The following CHD9 variants were observed in gnomAD, a reference collection of about 807,000 sequenced individuals.
The protein encoded by CHD9 is ATP-dependent chromatin remodeler CHD9.
A neutral mutation model predicts 316.1 loss-of-function variants in CHD9; 77 were observed. The ratio of observed to expected loss-of-function variants is 0.24; its 90% CI spans 0.20 to 0.29. The LOEUF (loss-of-function observed/expected upper bound fraction) is 0.29. Ranked by LOEUF, CHD9 falls within the 10% of genes least tolerant of loss-of-function variation. The pLI is 1.00. For synonymous variants in CHD9, 1,129 were observed against 1,158.3 expected (o/e 0.97, Z 0.51); for missense variants, 2,763 against 3,438.1 (o/e 0.80, Z 4.91).
intron 7 of CHD9, among the ~76,000 whole-genome samples, chr16:53,228,079 C>T (rs533995324): frequency 6.7e-5 from 10 of 150,110 alleles, no homozygotes; most frequent in South Asian, 2.1e-4. Context: ...AGCGAGACTC[C>T]GTCTCAAAAA....
chr16:53,253,208 G>A (rs113142028), intron 17 of CHD9, among the ~76,000 whole-genome samples: 5,704 of 146,512 alleles, frequency 0.039, 371 homozygotes, highest in African/African-American at 0.13. Flanking sequence ...TGCGTGTGTG[G>A]TGTGTATATA....
intron 1 of CHD9, among the ~76,000 whole-genome samples, chr16:53,099,734 C>T (rs2036680805): frequency 6.6e-6 from 1 of 152,194 alleles, no homozygotes; most frequent in Non-Finnish European, 1.5e-5. Flanking sequence ...CCCCTGGGCC[C>T]TTCCGAGAGC....
At chr16:53,254,754 TA>T in intron 18 of CHD9, 149 bp downstream of exon 18, 1 of 534,318 alleles carries the variant, frequency 1.9e-6, no homozygotes, top group Non-Finnish European at 3.2e-6. Flanking sequence ...GAGCTATGTT[TA>T]GTTAATACTT....
chr16:53,308,949 C>CT, intron 34 of CHD9, 95 bp downstream of exon 34: 1 of 970,022 alleles, frequency 1.0e-6, no homozygotes, highest in South Asian at 1.8e-5. Flanking sequence ...TTTATTTTTC[C>CT]TTTGTTGGAA....
Position 53,308,832 on chromosome 16 carries a change from C to T in CHD9, c.7200C>T (p.Phe2400=), listed in dbSNP as rs1206561388. The change falls in exon 34 of 39, where the codon TTC becomes TTT. Residue 2400 remains phenylalanine, a synonymous_variant. Coordinates refer to ENST00000447540, the MANE Select transcript of CHD9 (RefSeq NM_001308319.2). ...CATCAGAGACCAGCCTCGTCAATTT[C>T]CCAAAATCCATACCAGTATCAGGTG... ...QSASETSLVN[F]PKSIPVSGTS... is the part of the protein sequence containing the mutation. 2.9e-5 allele frequency: 46 copies of T among 1,613,372 alleles called. No individual in the cohort carries two copies. The highest frequency in any genetic ancestry group is 3.7e-5 in the Non-Finnish European group (44 of 1,179,652).
intron 3 of CHD9, among the ~76,000 whole-genome samples, chr16:53,213,004 C>T (rs938947695): frequency 1.3e-5 from 2 of 152,188 alleles, no homozygotes; most frequent in Non-Finnish European, 2.9e-5. Context: ...AGGAGCCACA[C>T]CCCTTCCTTC....
chr16:53,055,956 A>G (rs555930652), intron 1 of CHD9, among the ~76,000 whole-genome samples: 1 of 152,300 alleles, frequency 6.6e-6, no homozygotes, highest in Admixed American at 6.5e-5. Context: ...TGTCTTCCTC[A>G]TTTTGGCAAA....
chr16:53,248,526 G>GTTTTTTTTTTTTTTTTT (rs542703474), intron 16 of CHD9, among the ~76,000 whole-genome samples: 1 of 105,994 alleles, frequency 9.4e-6, no homozygotes, highest in African/African-American at 3.7e-5. Context: ...TTTTTTTTTT[G>GTTTTTTTTTTTTTTTTT]TTTTTTTTTT....
chr16:53,121,254 A>G, intron 1 of CHD9: 3 of 422,018 alleles, frequency 7.1e-6, no homozygotes, highest in Non-Finnish European at 1.4e-5. Context: ...CACTTTTTAA[A>G]TAACAGCCAC....
At chr16:53,305,491 G>C (rs2055876051) in intron 31 of CHD9, among the ~76,000 whole-genome samples, 1 of 152,210 alleles carries the variant, frequency 6.6e-6, no homozygotes, top group Non-Finnish European at 1.5e-5. Flanking sequence ...AATTGAATTA[G>C]AAATTTTACA....
At chr16:53,162,536 T>A (rs758086620) in intron 2 of CHD9, among the ~76,000 whole-genome samples, 28 of 152,124 alleles carry the variant, frequency 1.8e-4, no homozygotes, top group Non-Finnish European at 2.8e-4. Context: ...GTAAATTAAG[T>A]TTAGTGTAAA....
At chr16:53,139,805 A>G (rs2152703553) in intron 1 of CHD9, among the ~76,000 whole-genome samples, 1 of 152,292 alleles carries the variant, frequency 6.6e-6, no homozygotes, top group Middle Eastern at 3.4e-3. Context: ...AGCCTTCGAA[A>G]ATAATGCATT....
intron 29 of CHD9, among the ~76,000 whole-genome samples, chr16:53,296,434 A>ATTTTTTTTT (rs35618799): frequency 4.9e-5 from 5 of 101,764 alleles, no homozygotes; most frequent in Non-Finnish European, 7.4e-5. Context: ...TTAAAAGTAA[A>ATTTTTTTTT]TTTTTTTTTT....
intron 12 of CHD9, among the ~76,000 whole-genome samples, chr16:53,242,048 T>A (rs1315221797): frequency 6.6e-6 from 1 of 152,222 alleles, no homozygotes; most frequent in Non-Finnish European, 1.5e-5. Flanking sequence ...CTTAGGGCCT[T>A]CATACTTACT....
rs576079725 is a variant in CHD9, at chr16:53,244,158, A to T, written c.3054+1142A>T. Among the ~76,000 whole-genome samples the T allele has an allele frequency of 4.0e-5, 6 of 151,564 alleles. No individual in the cohort carries two copies. The South Asian group carries it at 1.3e-3, about 32-fold the overall frequency. On this transcript the variant is annotated intron_variant, in intron 13 of 38. Transcript: ENST00000447540. ...ATTTTCTTCTTTTACTATTCTGTTT[A>T]ATTTTTAAGGAATTGTAGTTTCAAA...
chr16:53,179,484 G>A lies in CHD9; in HGVS notation c.1452+21943G>A, dbSNP rs148703382. Among the ~76,000 whole-genome samples, 314 of 151,630 alleles carry A rather than the reference G, an allele frequency of 2.1e-3. 3 individuals are homozygous for A. The highest frequency in any genetic ancestry group is 7.0e-3 in the African/African-American group (287 of 40,998). ...TATGTCCCTCTGCATCATCTTAAAG[G>A]GGGATCAATAAGTATTTGTCAAATT... On this transcript the variant is annotated intron_variant, in intron 2 of 38. Transcript: ENST00000447540.
intron 1 of CHD9, among the ~76,000 whole-genome samples, chr16:53,116,426 A>C (rs1213562342): frequency 6.6e-6 from 1 of 152,222 alleles, no homozygotes. Context: ...ACTCTGCAAG[A>C]GAAACACAAA....
intron 17 of CHD9, among the ~76,000 whole-genome samples, chr16:53,252,676 C>A (rs2050223647): frequency 6.7e-6 from 1 of 149,034 alleles, no homozygotes. Flanking sequence ...TATCCAGAAT[C>A]TACACAACAA....
intron 2 of CHD9, among the ~76,000 whole-genome samples, chr16:53,176,532 A>G (rs904686507): frequency 2.0e-5 from 3 of 152,216 alleles, no homozygotes; most frequent in African/African-American, 4.8e-5. Context: ...TTCTGCCAAC[A>G]ACAAGCCATA....
Sources: allele counts gnomAD v4.1 joint callset (sites outside exome capture counted in the v4.1 genomes callset), GRCh38; gene constraint gnomAD v4.1.1; transcripts MANE v1.5; gene names NCBI Gene and HGNC (gene_info 2026-07-23, HGNC 2026-07-21).